The following FSIP2 variants were observed in gnomAD, a reference collection of about 807,000 sequenced individuals.
FSIP2 encodes the protein fibrous sheath interacting protein 2.
FSIP2 carries 367 observed loss-of-function variants against 510.5 expected under a neutral mutation model. The ratio of observed to expected loss-of-function variants is 0.72; its 90% CI spans 0.66 to 0.78. The LOEUF is 0.78. Ranked by LOEUF, FSIP2 falls within the 30% of genes least tolerant of loss-of-function variation. The probability of loss-of-function intolerance (pLI) is 0.00; values close to 1 mark genes in which losing one functional copy is unlikely to be tolerated. For missense variants in FSIP2, 7,594 were observed against 7,901.7 expected (o/e 0.96, Z 1.48); for synonymous variants, 2,601 against 2,732.2 (o/e 0.95, Z 1.50).
chr2:185,820,720 T>C (rs1574207153), intron 19 of FSIP2, among the ~76,000 whole-genome samples: 1 of 151,352 alleles, frequency 6.6e-6, no homozygotes, highest in Non-Finnish European at 1.5e-5. Context: ...AATTAAACAA[T>C]ATACTATCAA....
rs371064321 is a variant in FSIP2 at position 185,808,125 on chromosome 2, T to C, written c.18819T>C (p.Asp6273=). Residue 6273 remains aspartate, a synonymous_variant, in exon 17 of 23, where the codon GAT becomes GAC. Transcript: ENST00000424728. ...HSGSYTSVFK[D]LMGKSNVLSD... ...GCTCTTATACTTCTGTATTTAAAGA[T>C]TTAATGGGTAAAAGCAATGTCCTCT... 6 of 1,605,896 alleles carry C rather than the reference T, an allele frequency of 3.7e-6. No homozygotes were observed. The highest frequency in any genetic ancestry group is 4.2e-6 in the Non-Finnish European group (5 of 1,177,224).
At chr2:185,798,592 G>A (rs1693354081) in intron 16 of FSIP2, among the ~76,000 whole-genome samples, 1 of 151,682 alleles carries the variant, frequency 6.6e-6, no homozygotes, top group African/African-American at 2.4e-5. Flanking sequence ...CATTCTAATT[G>A]GAGATATTAG....
rs529325270 is a variant in FSIP2 at position 185,815,526 on chromosome 2, AG to A, written c.20426+56del. The A allele has an allele frequency of 7.4e-4, 626 of 840,526 alleles. 4 individuals are homozygous for A. The African/African-American group carries it at 9.9e-3, about 13-fold the overall frequency. 52.1% of individuals were successfully genotyped at this position (840,526 alleles called of 1,614,324 possible). On this transcript the variant is annotated intron_variant, in intron 19 of 22. Coordinates refer to ENST00000424728, the MANE Select transcript of FSIP2 (RefSeq NM_173651.4). ...GAAATCTGATAAAGTAGAGCTTATGAGTAGAATGGGGCCCCTGGCAAAACTG... is the reference window on the plus strand; with the variant it reads ...GAAATCTGATAAAGTAGAGCTTATGATAGAATGGGGCCCCTGGCAAAACTG...
In FSIP2 at chr2:185,746,717, A is replaced by C; in HGVS notation, c.666A>C (p.Ala222=). The C allele has an allele frequency of 6.5e-7, 1 of 1,531,914 alleles. No individual in the cohort carries two copies. Among genetic ancestry groups the C allele is most frequent in the East Asian group, 2.4e-5 (1 of 40,880 alleles). 94.9% of individuals were successfully genotyped at this position (1,531,914 alleles called of 1,614,324 possible). A position where few individuals can be genotyped will look rare whatever the true frequency, so the allele number is the denominator to read the frequency against. Residue 222 remains alanine, a synonymous_variant, in exon 6 of 23, where the codon GCA becomes GCC. Transcript: ENST00000424728. The part of the protein sequence containing the change: ...SRKLEQLERT[A]EEQRLFLMDR... ...AACTAGAACAACTTGAACGCACAGCAGAAGAACAACGCCTATTCCTAATGG... is the reference window on the plus strand; with the variant it reads ...AACTAGAACAACTTGAACGCACAGCCGAAGAACAACGCCTATTCCTAATGG...
intron 13 of FSIP2, among the ~76,000 whole-genome samples, chr2:185,769,038 A>C (rs1692554020): frequency 6.6e-6 from 1 of 152,170 alleles, no homozygotes; most frequent in African/African-American, 2.4e-5. Flanking sequence ...ACCATTGGTG[A>C]ACATTTAGGT....
chr2:185,770,422 A>G (rs1692583810), intron 13 of FSIP2, among the ~76,000 whole-genome samples: 1 of 152,264 alleles, frequency 6.6e-6, no homozygotes, highest in Non-Finnish European at 1.5e-5. Context: ...GGCCTCAGGA[A>G]GCTTCCACTC....
At chr2:185,747,632 C>T (rs923013891) in intron 7 of FSIP2, among the ~76,000 whole-genome samples, 10 of 151,970 alleles carry the variant, frequency 6.6e-5, no homozygotes, top group African/African-American at 2.4e-4. Context: ...CTATTTTTGG[C>T]TTTATTTTTA....
Position 185,807,453 on chromosome 2 carries a change from G to A in FSIP2, c.18147G>A (p.Met6049Ile). ...NLSTELNFLQ[M>I]KLVSAVATEI... ...CCACAGAACTGAATTTCCTTCAAAT[G>A]AAGTTAGTAAGTGCAGTTGCAACAG... Residue 6049 changes from methionine to isoleucine, a missense_variant, in exon 17 of 23, where the codon ATG becomes ATA. Physicochemically the swap from Met to Ile is conservative, Grantham distance 10 (BLOSUM62 1). Coordinates refer to ENST00000424728, the MANE Select transcript of FSIP2 (RefSeq NM_173651.4). 1 of 1,612,500 alleles carries A rather than the reference G, an allele frequency of 6.2e-7. No individual in the cohort carries two copies. Among genetic ancestry groups the A allele is most frequent in the Non-Finnish European group, 8.5e-7 (1 of 1,179,276 alleles).
intron 13 of FSIP2, chr2:185,765,295 C>A (rs150346943): frequency 6.6e-6 from 1 of 152,018 alleles, no homozygotes; most frequent in Admixed American, 6.6e-5. Flanking sequence ...CATATCCTCA[C>A]TTCATGTAGT....
Position 185,739,378 on chromosome 2 carries a change from A to G in FSIP2, c.132A>G (p.Gly44=), listed in dbSNP as rs1178822044. 6.5e-7 allele frequency: 1 copy of G among 1,535,310 alleles called. No individual in the cohort carries two copies. Among genetic ancestry groups the G allele is most frequent in the Non-Finnish European group, 8.7e-7 (1 of 1,146,510 alleles). The change falls in exon 2 of 23, where the codon GGA becomes GGG. Residue 44 remains glycine, a synonymous_variant. Coordinates refer to ENST00000424728, the MANE Select transcript of FSIP2 (RefSeq NM_173651.4). ...GVHKTHFAGV[G]PAQLLDLPLG... Reference sequence around the variant, plus strand: ...ACAAAACCCACTTTGCAGGGGTTGGACCGGCTCAGCTACTGGACCTACCTC... The same window carrying G: ...ACAAAACCCACTTTGCAGGGGTTGGGCCGGCTCAGCTACTGGACCTACCTC...
rs577068227 is a variant in FSIP2 at position 185,785,110 on chromosome 2, T to G, written c.1470-1142T>G. Among the ~76,000 whole-genome samples, 71 of 152,180 alleles carry G rather than the reference T, an allele frequency of 4.7e-4. No individual in the cohort carries two copies. The South Asian group carries it at 5.0e-3, about 11-fold the overall frequency. On this transcript the variant is annotated intron_variant, in intron 14 of 22. Transcript: ENST00000424728. Reference sequence around the variant, plus strand: ...TTAGTTATGTTTTGTGCCAATGATATAACATGAAGAAAACAGAAAAGTGAA... The same window carrying G: ...TTAGTTATGTTTTGTGCCAATGATAGAACATGAAGAAAACAGAAAAGTGAA...
chr2:185,751,310 T>C (rs925915548), intron 7 of FSIP2, among the ~76,000 whole-genome samples: 1 of 151,690 alleles, frequency 6.6e-6, no homozygotes, highest in African/African-American at 2.4e-5. Flanking sequence ...TTTATTGTTA[T>C]GAAAATATTT....
At chr2:185,766,659 C>T (rs1211973122) in intron 13 of FSIP2, 1 of 151,186 alleles carries the variant, frequency 6.6e-6, no homozygotes, top group African/African-American at 2.4e-5. Context: ...ATTAAAAAGT[C>T]AGGAAACAAC....
Position 185,808,275 on chromosome 2 carries a change from C to A in FSIP2, c.18969C>A (p.Ile6323=), listed in dbSNP as rs185815344. ...CTGTCAAAATTATGGAAAAAGTGAT[C>A]AAAATTATTGATGAACTTAAGTCTA... is the stretch of plus-strand genomic sequence containing the variant. ...LEAVKIMEKV[I]KIIDELKSKE... Residue 6323 remains isoleucine, a synonymous_variant, in exon 17 of 23, where the codon ATC becomes ATA. Transcript: ENST00000424728. 2 of 1,601,016 alleles carry A rather than the reference C, an allele frequency of 1.2e-6. No individual in the cohort carries two copies. Among genetic ancestry groups the A allele is most frequent in the African/African-American group, 1.4e-5 (1 of 74,016 alleles).
In FSIP2 at chr2:185,789,527, C is replaced by T. The variant is rs548334565; in HGVS notation, c.2391C>T (p.Leu797=). Reference sequence around the variant, plus strand: ...GTTTAGCAGCCAGTGATGAACTTCTCACATCATCTAATGGAAAACCTTTGA... The same window carrying T: ...GTTTAGCAGCCAGTGATGAACTTCTTACATCATCTAATGGAAAACCTTTGA... ...KPSLAASDEL[L]TSSNGKPLKN... Residue 797 remains leucine, a synonymous_variant, in exon 16 of 23, where the codon CTC becomes CTT. Transcript: ENST00000424728. The T allele has an allele frequency of 6.5e-7, 1 of 1,534,644 alleles. No homozygotes were observed. Among genetic ancestry groups the T allele is most frequent in the African/African-American group, 1.4e-5 (1 of 73,058 alleles).
At position 185,802,256 on chromosome 2, in the gene FSIP2, T is replaced by C; in HGVS notation, c.12950T>C (p.Leu4317Ser). 6.5e-7 allele frequency: 1 copy of C among 1,533,860 alleles called. No homozygotes were observed. The highest frequency in any genetic ancestry group is 8.7e-7 in the Non-Finnish European group (1 of 1,145,332). Residue 4317 changes from leucine to serine, a missense_variant, in exon 17 of 23, where the codon TTG (leucine) becomes TCG (serine). By Grantham distance (145) the Leu-to-Ser change is moderately radical (BLOSUM62 -2). Coordinates refer to ENST00000424728, the MANE Select transcript of FSIP2 (RefSeq NM_173651.4). The stretch of plus-strand genomic sequence containing the variant: ...GTAAGGGAGATTGTTGCCAGACTTT[T>C]GTCAAAGATTTTCAGCCCAAAGCAT... Reference protein sequence around the residue: ...SFVREIVARLLSKIFSPKHNT... With the variant: ...SFVREIVARLSSKIFSPKHNT...
intron 10 of FSIP2, 133 bp downstream of exon 10, chr2:185,761,236 G>T: frequency 2.5e-6 from 1 of 404,470 alleles, no homozygotes; most frequent in Admixed American, 4.3e-5. Flanking sequence ...CATGAAACAT[G>T]ATCCATTTTC....
Position 185,788,854 on chromosome 2 carries a change from C to T in FSIP2, c.1718C>T (p.Ser573Phe), listed in dbSNP as rs561465820. 6 of 1,534,800 alleles carry T rather than the reference C, an allele frequency of 3.9e-6. No homozygotes were observed. In the African/African-American group the frequency reaches 4.1e-5, roughly 11 times the overall value. ...SEDFTYRSYTSATTKTFQAEP... is the reference protein window; with the variant it reads ...SEDFTYRSYTFATTKTFQAEP... ...GACTTTACATATAGAAGCTACACAT[C>T]TGCAACAACTAAAACATTTCAGGCA... Residue 573 changes from serine (S) to phenylalanine (F), a missense_variant, in exon 16 of 23, where the codon TCT (serine) becomes TTT (phenylalanine). Coordinates refer to ENST00000424728, the MANE Select transcript of FSIP2 (RefSeq NM_173651.4).
In FSIP2 at chr2:185,794,926, C is replaced by T; in HGVS notation, c.7790C>T (p.Pro2597Leu). The T allele has an allele frequency of 6.5e-7, 1 of 1,533,926 alleles. No individual in the cohort carries two copies. Among genetic ancestry groups the T allele is most frequent in the Non-Finnish European group, 8.7e-7 (1 of 1,145,288 alleles). Residue 2597 changes from proline (P) to leucine (L), a missense_variant, in exon 16 of 23, where the codon CCT becomes CTT. Coordinates refer to ENST00000424728, the MANE Select transcript of FSIP2 (RefSeq NM_173651.4). The part of the protein sequence containing the change: ...TKQAGKISNS[P>L]RYAISQAYSY... ...CAAGCAGGAAAAATAAGTAATTCCC[C>T]TAGATATGCGATATCACAGGCTTAT...
Sources: gnomAD v4.1 joint callset for allele counts (sites outside exome capture counted in the v4.1 genomes callset) on GRCh38, gnomAD v4.1.1 for gene constraint, MANE v1.5 for transcripts, NCBI Gene and HGNC (gene_info 2026-07-23, HGNC 2026-07-21) for gene names.